The following ACLY variants were observed in gnomAD, a reference collection of about 807,000 sequenced individuals.
ACLY encodes the protein ATP citrate lyase.
A neutral mutation model predicts 133.0 loss-of-function variants in ACLY; 41 were observed. The ratio of observed to expected loss-of-function variants is 0.31; its 90% CI spans 0.24 to 0.40. ACLY has a LOEUF of 0.40. Ranked by LOEUF, ACLY falls within the 10% of genes least tolerant of loss-of-function variation. The pLI is 1.00. For missense variants in ACLY, 1,046 were observed against 1,453.8 expected, an observed-to-expected ratio of 0.72 and a Z score of 4.56; for synonymous variants, 495 against 549.3, an observed-to-expected ratio of 0.90 and a Z score of 1.38.
chr17:41,881,409 T>G, intron 20 of ACLY, among the ~76,000 whole-genome samples: 1 of 90,284 alleles, frequency 1.1e-5, no homozygotes, highest in South Asian at 4.2e-4. Flanking sequence ...GGCGAGAGAC[T>G]CCGTCTCAAA....
At chr17:41,919,320 A>AGGGGGGGGGG (rs2050144149), upstream of ACLY, among the ~76,000 whole-genome samples, 1 of 149,020 alleles carries the variant, frequency 6.7e-6, no homozygotes, top group Non-Finnish European at 1.5e-5. Context: ...AGGGGCGGGT[A>AGGGGGGGGGG]GGATTAGCCC....
rs2048826739 is a variant in ACLY at position 41,878,720 on chromosome 17, T to C, written c.2393+77A>G. On this transcript the variant is annotated intron_variant, in intron 21 of 28. Transcript: ENST00000352035. ...AGGGACCAGGAATACATGATGTCCC[T>C]GTGTGGGAGAGGCTGCTGTCTCAGG... 4 of 1,572,446 alleles carry C rather than the reference T, an allele frequency of 2.5e-6. No individual in the cohort carries two copies. The African/African-American group carries it at 5.4e-5, about 21-fold the overall frequency.
intron 22 of ACLY, 90 bp downstream of exon 22, chr17:41,878,013 A>G: frequency 1.2e-6 from 1 of 829,104 alleles, no homozygotes; most frequent in Non-Finnish European, 1.7e-6. Context: ...CCTGGTTTCC[A>G]AGAGTTCAAG....
chr17:41,906,229 G>A (rs999153065), intron 8 of ACLY, among the ~76,000 whole-genome samples: 19 of 152,190 alleles, frequency 1.2e-4, no homozygotes, highest in African/African-American at 4.3e-4. Context: ...AGAGGATGGG[G>A]AAATGTCCAG....
At chr17:41,898,518 T>C in intron 12 of ACLY, 113 bp downstream of exon 12, 1 of 1,386,930 alleles carries the variant, frequency 7.2e-7, no homozygotes, top group Non-Finnish European at 9.6e-7. Flanking sequence ...AACCATGCAC[T>C]AACTCCCGCT....
chr17:41,873,013 C>T (rs2048637323), intron 23 of ACLY, among the ~76,000 whole-genome samples: 1 of 152,194 alleles, frequency 6.6e-6, no homozygotes, highest in South Asian at 2.1e-4. Flanking sequence ...TTCTGCCCAG[C>T]ATCACATTAA....
rs114525937 is a variant in ACLY at position 41,881,477 on chromosome 17, G to A, written c.2265+1645C>T. 3.4e-3 allele frequency among the ~76,000 whole-genome samples: 509 copies of A among 148,726 alleles called. 6 individuals carry two copies. Among genetic ancestry groups the A allele is most frequent in the African/African-American group, 0.012 (491 of 40,356 alleles). ...AACAGCTTCATGGAATAAGCGGACT[G>A]ACAAGGCATGGGAAAAAAAAGAAGT... On this transcript the variant is annotated intron_variant, in intron 20 of 28. Transcript: ENST00000352035.
rs1343835545 is a variant in ACLY at position 41,869,566 on chromosome 17, C to G, written c.2959G>C (p.Val987Leu). ...VKSINNPDMR[V>L]QILKDYVRQH... is the part of the protein sequence containing the mutation. The stretch of plus-strand genomic sequence containing the variant: ...CTGACGTAATCTTTGAGGATCTGCA[C>G]TCGCATGTCTGGGTTGTTTATCTAG... The change falls in exon 26 of 29, where the codon GTG becomes CTG. Residue 987 changes from valine to leucine, a missense_variant. By Grantham distance (32) the Val-to-Leu change is conservative. This residue lies in a region of ACLY where 205 missense variants were observed against 373.3 expected (regional missense o/e 0.55). Transcript: ENST00000352035. 1 of 1,613,966 alleles carries G rather than the reference C, an allele frequency of 6.2e-7. No individual in the cohort carries two copies. Among genetic ancestry groups the G allele is most frequent in the Non-Finnish European group, 8.5e-7 (1 of 1,179,998 alleles).
rs372800443 is a variant in ACLY, at chr17:41,901,211, C to T, written c.1183+485G>A. On this transcript the variant is annotated intron_variant, in intron 11 of 28. Coordinates refer to ENST00000352035, the MANE Select transcript of ACLY (RefSeq NM_001096.3). Reference sequence around the variant, plus strand: ...CTGAGCTCAAGGGATCCTCCCACTTCGACCTCCCAAAGTACATGAGCCACC... The same window carrying T: ...CTGAGCTCAAGGGATCCTCCCACTTTGACCTCCCAAAGTACATGAGCCACC... Among the ~76,000 whole-genome samples the T allele has an allele frequency of 2.9e-3, 445 of 151,860 alleles. 3 individuals are homozygous for T. The highest frequency in any genetic ancestry group is 0.01 in the African/African-American group (419 of 41,402).
chr17:41,874,813 T>G (rs548461039), intron 22 of ACLY, among the ~76,000 whole-genome samples: 13 of 150,030 alleles, frequency 8.7e-5, no homozygotes, highest in African/African-American at 3.2e-4. Flanking sequence ...GACCTCATGA[T>G]CCGCCTGCCT....
At chr17:41,882,973 C>G (rs1323471736) in intron 20 of ACLY, 149 bp downstream of exon 20, 1 of 628,866 alleles carries the variant, frequency 1.6e-6, no homozygotes, top group Admixed American at 3.0e-5. Flanking sequence ...AGAGCAGGGC[C>G]CTGGCTGGAC....
At chr17:41,915,522 G>A (rs1270789917) in intron 1 of ACLY, among the ~76,000 whole-genome samples, 2 of 152,132 alleles carry the variant, frequency 1.3e-5, no homozygotes, top group African/African-American at 4.8e-5. Context: ...TCCTGGCTTG[G>A]CTGCCTCTGT....
At chr17:41,884,169 ATT>A (rs533487306) in intron 19 of ACLY, 22 bp downstream of exon 19, 12 of 1,250,412 alleles carry the variant, frequency 9.6e-6, no homozygotes, top group African/African-American at 3.0e-5. Context: ...TAAAATCATA[ATT>A]TTTTTTTTTA....
At chr17:41,889,476 G>A (rs1025281727) in intron 16 of ACLY, among the ~76,000 whole-genome samples, 5 of 117,620 alleles carry the variant, frequency 4.3e-5, no homozygotes, top group Admixed American at 2.5e-4. Flanking sequence ...CTGAGATCAC[G>A]CCGCTGTACT....
Position 41,867,659 on chromosome 17 carries a change from GGA to G in ACLY, c.*149_*150del. On this transcript the variant is annotated 3_prime_UTR_variant, in exon 29 of 29. Transcript: ENST00000352035. Reference sequence around the variant, plus strand: ...GTGGACTGAAGGGGTGTTAGCCTGTGGATGTTGGTCTTCGGTGCCTGTACCCC... The same window carrying G: ...GTGGACTGAAGGGGTGTTAGCCTGTGTGTTGGTCTTCGGTGCCTGTACCCC... 1 of 505,126 alleles carries G rather than the reference GGA, an allele frequency of 2.0e-6. No homozygotes were observed. Among genetic ancestry groups the G allele is most frequent in the East Asian group, 3.2e-5 (1 of 31,382 alleles). 31.3% of individuals were successfully genotyped at this position (505,126 alleles called of 1,614,324 possible).
At chr17:41,911,909 G>T (rs1323322463) in intron 3 of ACLY, among the ~76,000 whole-genome samples, 1 of 152,154 alleles carries the variant, frequency 6.6e-6, no homozygotes, top group Non-Finnish European at 1.5e-5. Context: ...GAGGTCAGGA[G>T]TTCGAGACCA....
chr17:41,925,435 A>C (rs1367959218), intron 1 of ACLY, among the ~76,000 whole-genome samples: 1 of 7,158 alleles, frequency 1.4e-4, no homozygotes, highest in South Asian at 9.3e-3. Flanking sequence ...CTTCTCTACC[A>C]AAAAAAAAAA....
intron 5 of ACLY, 67 bp from the exon 6 acceptor site, chr17:41,909,135 C>T: frequency 2.4e-6 from 3 of 1,272,332 alleles, no homozygotes; most frequent in East Asian, 2.3e-5. Flanking sequence ...CCCCAGGCGC[C>T]CCGCAGCAAT....
intron 1 of ACLY, among the ~76,000 whole-genome samples, chr17:41,924,937 T>C (rs2050224622): frequency 6.6e-6 from 1 of 152,136 alleles, no homozygotes; most frequent in African/African-American, 2.4e-5. Context: ...CCCTCCTCTT[T>C]CAGGAAGAAC....
Sources: allele counts gnomAD v4.1 joint callset (sites outside exome capture counted in the v4.1 genomes callset), GRCh38; gene constraint gnomAD v4.1.1; regional missense constraint gnomAD v4.1.1; transcripts MANE v1.5; gene names NCBI Gene and HGNC (gene_info 2026-07-23, HGNC 2026-07-21).